The following NEO1 variants were observed in gnomAD, a reference collection of about 807,000 sequenced individuals.
The protein encoded by NEO1 is neogenin 1.
In NEO1, 63 loss-of-function variants were observed where a neutral mutation model predicts 159.7. The observed-to-expected ratio is 0.39, with a 90% CI of 0.32 to 0.49. The LOEUF (loss-of-function observed/expected upper bound fraction) is 0.49, where lower values mean the gene tolerates loss of function less well. Ranked by LOEUF, NEO1 falls within the 20% of genes least tolerant of loss-of-function variation. The pLI, the probability that NEO1 is intolerant of heterozygous loss-of-function variation, is 0.85. For synonymous variants in NEO1, 633 were observed against 662.0 expected (o/e 0.96, Z 0.67); for missense variants, 1,615 against 1,831.0 (o/e 0.88, Z 2.15).
chr15:73,232,824 G>T (rs537864582), intron 7 of NEO1, among the ~76,000 whole-genome samples: 1 of 152,144 alleles, frequency 6.6e-6, no homozygotes. Flanking sequence ...TATCAAATGA[G>T]CTCTTCTGGC....
intron 7 of NEO1, among the ~76,000 whole-genome samples, chr15:73,216,415 C>A (rs544877426): frequency 1.3e-5 from 2 of 152,158 alleles, no homozygotes; most frequent in African/African-American, 4.8e-5. Context: ...GTCTTTATAG[C>A]GGCATGATTT....
intron 25 of NEO1, among the ~76,000 whole-genome samples, chr15:73,290,955 G>C (rs1166257155): frequency 6.6e-6 from 1 of 152,192 alleles, no homozygotes; most frequent in Non-Finnish European, 1.5e-5. Context: ...ACACAAACAT[G>C]TAAGATACTG....
intron 1 of NEO1, among the ~76,000 whole-genome samples, chr15:73,094,009 C>T (rs76804854): frequency 0.026 from 3,945 of 152,228 alleles, 173 homozygotes; most frequent in East Asian, 0.19. Flanking sequence ...ATTTGTATTT[C>T]TTGCCTAATT....
chr15:73,052,004 AT>A (rs1275995546), upstream of NEO1: 1 of 149,178 alleles, frequency 6.7e-6, no homozygotes, highest in African/African-American at 2.5e-5. Context: ...TGAGGGGGGA[AT>A]TTGTCCCCGA....
intron 7 of NEO1, among the ~76,000 whole-genome samples, chr15:73,187,646 A>G (rs2036006711): frequency 6.6e-6 from 1 of 152,178 alleles, no homozygotes; most frequent in Admixed American, 6.5e-5. Flanking sequence ...AATACAGACA[A>G]TCTGTAACAA....
chr15:73,087,518 T>C (rs1057310671), intron 1 of NEO1, among the ~76,000 whole-genome samples: 6 of 152,198 alleles, frequency 3.9e-5, no homozygotes, highest in Non-Finnish European at 5.9e-5. Flanking sequence ...CTGCATAAAA[T>C]GAGTTGGGAC....
chr15:73,173,584 GA>G (rs1195562839), intron 5 of NEO1, among the ~76,000 whole-genome samples: 1 of 152,098 alleles, frequency 6.6e-6, no homozygotes, highest in Non-Finnish European at 1.5e-5. Flanking sequence ...CAGAAGAAGG[GA>G]AAGCCTTTGG....
chr15:73,184,010 A>G (rs563327766), intron 7 of NEO1, among the ~76,000 whole-genome samples: 4 of 152,320 alleles, frequency 2.6e-5, no homozygotes, highest in Admixed American at 2.6e-4. Flanking sequence ...GCAAAAATTA[A>G]TAGACTTTAA....
intron 25 of NEO1, among the ~76,000 whole-genome samples, chr15:73,289,686 T>C (rs534526905): frequency 6.6e-6 from 1 of 152,308 alleles, no homozygotes; most frequent in East Asian, 1.9e-4. Flanking sequence ...CCCACACCTA[T>C]AATCCTAGAG....
At chr15:73,112,272 A>G (rs865870540) in intron 1 of NEO1, among the ~76,000 whole-genome samples, 18 of 152,270 alleles carry the variant, frequency 1.2e-4, no homozygotes, top group Middle Eastern at 6.8e-3. Context: ...AAATCCATCC[A>G]GCCACCTATT....
intron 5 of NEO1, among the ~76,000 whole-genome samples, chr15:73,157,727 T>TG (rs2033883480): frequency 1.3e-5 from 2 of 152,264 alleles, no homozygotes; most frequent in African/African-American, 4.8e-5. Context: ...TTTTTGTTCT[T>TG]CTAAGTGGAT....
At chr15:73,058,859 T>A (rs2067844523) in intron 1 of NEO1, among the ~76,000 whole-genome samples, 1 of 152,232 alleles carries the variant, frequency 6.6e-6, no homozygotes, top group Non-Finnish European at 1.5e-5. Context: ...TTCAGCTTAA[T>A]AACTTCTATT....
rs769938083 is a variant in NEO1, at chr15:73,176,497, A to T, written c.1110A>T (p.Pro370=). ...GTGAAGTGACTGGAAAACCAACTCC[A>T]ACTGTGAAGTGGGTCAAAAATGGGG... is the stretch of plus-strand genomic sequence containing the variant. ...FECEVTGKPT[P]TVKWVKNGDM... The change falls in exon 6 of 29, where the codon CCA becomes CCT. Residue 370 remains proline, a synonymous_variant. Transcript: ENST00000261908. 1.2e-6 allele frequency: 2 copies of T among 1,612,438 alleles called. No homozygotes were observed. The highest frequency in any genetic ancestry group is 1.7e-6 in the Non-Finnish European group (2 of 1,179,130).
At chr15:73,067,590 C>T (rs2151291803) in intron 1 of NEO1, among the ~76,000 whole-genome samples, 1 of 150,668 alleles carries the variant, frequency 6.6e-6, no homozygotes, top group East Asian at 1.9e-4. Flanking sequence ...GCTGGGACTG[C>T]AGGCGCCTGC....
In NEO1 at chr15:73,167,466, T is replaced by A. The variant is rs556629506; in HGVS notation, c.1016-8937T>A. On this transcript the variant is annotated intron_variant, in intron 5 of 28. Transcript: ENST00000261908. ...TCAAGATTTTCCTTTATTTCCATGC[T>A]GGGGGCGGGGGAGGCCCATAGGCCC... 3.9e-5 allele frequency among the ~76,000 whole-genome samples: 6 copies of A among 152,240 alleles called. No homozygotes were observed. In the South Asian group the frequency reaches 1.2e-3, roughly 32 times the overall value.
intron 1 of NEO1, among the ~76,000 whole-genome samples, chr15:73,057,616 G>A (rs1189724117): frequency 6.6e-6 from 1 of 152,106 alleles, no homozygotes; most frequent in Non-Finnish European, 1.5e-5. Context: ...TTTTAAAATA[G>A]AGCTCAAATT....
chr15:73,224,257 ATAAGT>A (rs1056544341), intron 7 of NEO1, among the ~76,000 whole-genome samples: 2 of 152,142 alleles, frequency 1.3e-5, no homozygotes, highest in Non-Finnish European at 2.9e-5. Context: ...TTAACTGTAG[ATAAGT>A]TAAGCACACT....
chr15:73,182,141 C>CT (rs1308297983), intron 7 of NEO1, among the ~76,000 whole-genome samples: 2 of 152,094 alleles, frequency 1.3e-5, no homozygotes, highest in Non-Finnish European at 2.9e-5. Context: ...TCTCATGAGA[C>CT]TCATTCACTA....
intron 7 of NEO1, among the ~76,000 whole-genome samples, chr15:73,216,562 C>G (rs1426938208): frequency 1.3e-5 from 2 of 152,138 alleles, no homozygotes; most frequent in Non-Finnish European, 2.9e-5. Context: ...GTGTAAAAGT[C>G]TTCCCCTTTC....
Sources: allele counts gnomAD v4.1 joint callset (sites outside exome capture counted in the v4.1 genomes callset), GRCh38; gene constraint gnomAD v4.1.1; transcripts MANE v1.5; gene names NCBI Gene and HGNC (gene_info 2026-07-23, HGNC 2026-07-21).